The following RBFOX3 variants were observed in gnomAD, a reference collection of about 807,000 sequenced individuals.
RBFOX3 encodes the protein RNA binding protein fox-1 homolog 3.
A neutral mutation model predicts 48.7 loss-of-function variants in RBFOX3; 17 were observed. The observed-to-expected ratio is 0.35, with a 90% CI of 0.24 to 0.52. The LOEUF (loss-of-function observed/expected upper bound fraction) is 0.52, where lower values mean the gene tolerates loss of function less well. Ranked by LOEUF, RBFOX3 falls within the 20% of genes least tolerant of loss-of-function variation. RBFOX3 has a pLI of 0.94. For synonymous variants in RBFOX3, 212 were observed against 209.5 expected (o/e 1.01, Z -0.10); for missense variants, 382 against 497.5 (o/e 0.77, Z 2.21).
At chr17:79,559,569 G>A (rs1243784504) in intron 1 of RBFOX3, among the ~76,000 whole-genome samples, 1 of 150,376 alleles carries the variant, frequency 6.6e-6, no homozygotes, top group Non-Finnish European at 1.5e-5. Context: ...GTGGACAGAT[G>A]GGTGAGTGGG....
chr17:79,472,672 T>G (rs2077195585), intron 2 of RBFOX3, among the ~76,000 whole-genome samples: 1 of 152,208 alleles, frequency 6.6e-6, no homozygotes, highest in African/African-American at 2.4e-5. Context: ...GCCCCCAGGC[T>G]GAGGGGCTTC....
At chr17:79,352,130 G>C (rs1301142784) in intron 2 of RBFOX3, among the ~76,000 whole-genome samples, 1 of 152,164 alleles carries the variant, frequency 6.6e-6, no homozygotes. Flanking sequence ...AGTTGTTATG[G>C]TTTGGCTCTG....
chr17:79,134,585 C>T (rs2039727947), intron 4 of RBFOX3, among the ~76,000 whole-genome samples: 1 of 152,242 alleles, frequency 6.6e-6, no homozygotes, highest in African/African-American at 2.4e-5. Context: ...CGGACCCTGT[C>T]ATCTGCTAGA....
intron 4 of RBFOX3, among the ~76,000 whole-genome samples, chr17:79,197,378 T>G (rs2055825706): frequency 1.6e-5 from 2 of 126,696 alleles, no homozygotes; most frequent in East Asian, 2.6e-4. Context: ...TTTCTTTTCT[T>G]TCTTTCTTTC....
At chr17:79,394,070 G>A (rs1040939399) in intron 2 of RBFOX3, among the ~76,000 whole-genome samples, 13 of 150,968 alleles carry the variant, frequency 8.6e-5, no homozygotes, top group Non-Finnish European at 7.4e-5. Flanking sequence ...ATCCGAGCCC[G>A]TCATCATACA....
chr17:79,463,688 G>GCCATCA (rs375270247), intron 2 of RBFOX3, among the ~76,000 whole-genome samples: 61,442 of 122,820 alleles, frequency 0.5, 16,815 homozygotes, highest in Non-Finnish European at 0.59. Flanking sequence ...CATTGCCACT[G>GCCATCA]CCACTGCCAT....
chr17:79,464,007 C>T (rs1251839044), intron 2 of RBFOX3, among the ~76,000 whole-genome samples: 3 of 152,182 alleles, frequency 2.0e-5, no homozygotes, highest in South Asian at 4.1e-4. Flanking sequence ...TGGTAGCAGC[C>T]GTGACAGCTT....
chr17:79,496,949 G>A (rs905077704), intron 1 of RBFOX3, among the ~76,000 whole-genome samples: 18 of 152,140 alleles, frequency 1.2e-4, no homozygotes, highest in South Asian at 4.1e-4. Context: ...GACCTTTCAC[G>A]GTCCTTGCCT....
chr17:79,558,664 T>G (rs2091956478), intron 1 of RBFOX3, among the ~76,000 whole-genome samples: 1 of 152,108 alleles, frequency 6.6e-6, no homozygotes, highest in Admixed American at 6.5e-5. Flanking sequence ...ATTTGGAAAT[T>G]TACTGGAGCA....
intron 4 of RBFOX3, among the ~76,000 whole-genome samples, chr17:79,222,250 A>C (rs900291979): frequency 2.0e-5 from 3 of 151,320 alleles, no homozygotes; most frequent in Non-Finnish European, 4.4e-5. Context: ...CTCCCTGGGG[A>C]TCCAACACTT....
the RBFOX3 span, among the ~76,000 whole-genome samples, chr17:79,633,045 C>T: frequency 6.6e-6 from 1 of 152,254 alleles, no homozygotes; most frequent in Admixed American, 6.5e-5. Flanking sequence ...TTCCTAAAGT[C>T]ACTCTGCAGA....
At chr17:79,487,798 C>A (rs981262643) in intron 1 of RBFOX3, among the ~76,000 whole-genome samples, 7 of 150,538 alleles carry the variant, frequency 4.6e-5, no homozygotes, top group African/African-American at 7.3e-5. Flanking sequence ...GTAGTCCCAG[C>A]TGCTTGGAGA....
rs934170037 is a variant in RBFOX3 at position 79,479,361 on chromosome 17, C to G, written c.-175+3093G>C. 6.6e-6 allele frequency among the ~76,000 whole-genome samples: 1 copy of G among 152,132 alleles called. No homozygotes were observed. Among genetic ancestry groups the G allele is most frequent in the Non-Finnish European group, 1.5e-5 (1 of 68,016 alleles). ...ACATGGCCCTCTTCCTTCAGACACC[C>G]GCCATCCACCATCCTGAAGGTGAAT... On this transcript the variant is annotated intron_variant, in intron 2 of 14. Coordinates refer to ENST00000693108, the MANE Select transcript of RBFOX3 (RefSeq NM_001350451.2). The surrounding 1 kb of genome is among the most constrained non-coding windows in gnomAD (Gnocchi z 5.1).
intron 2 of RBFOX3, among the ~76,000 whole-genome samples, chr17:79,356,367 T>TTTTTTTTTTTTTTG (rs2085071486): frequency 1.3e-5 from 1 of 76,998 alleles, no homozygotes; most frequent in African/African-American, 4.7e-5. Context: ...TTTTTTTTTT[T>TTTTTTTTTTTTTTG]TTTTTTTTTT....
At chr17:79,577,893 G>A (rs1431703775) in intron 1 of RBFOX3, among the ~76,000 whole-genome samples, 1 of 152,232 alleles carries the variant, frequency 6.6e-6, no homozygotes, top group Admixed American at 6.5e-5. Flanking sequence ...GGTCCCCCTG[G>A]TGCGAGGGTG....
At chr17:79,476,378 T>A (rs1198805219) in intron 2 of RBFOX3, among the ~76,000 whole-genome samples, 8 of 152,212 alleles carry the variant, frequency 5.3e-5, no homozygotes, top group African/African-American at 1.2e-4. Context: ...TCTATTTTTT[T>A]AAAAAATGTC....
upstream of RBFOX3, among the ~76,000 whole-genome samples, chr17:79,613,189 C>G (rs2093981518): frequency 6.6e-6 from 1 of 152,248 alleles, no homozygotes; most frequent in African/African-American, 2.4e-5. Flanking sequence ...AGCACCAAAT[C>G]TTGTTCCAAG....
At position 79,473,314 on chromosome 17, in the gene RBFOX3, G is replaced by C. The variant is rs1369031823; in HGVS notation, c.-175+9140C>G. On this transcript the variant is annotated intron_variant, in intron 2 of 14. Transcript: ENST00000693108. The surrounding 1 kb of genome is among the most constrained non-coding windows in gnomAD (Gnocchi z 4.2). ...GCCTGTTGCTAGGGAGCTGCTGTGG[G>C]TTTGAATTCTGTATGGCCCTGGGTT... Among the ~76,000 whole-genome samples, 1 of 152,226 alleles carries C rather than the reference G, an allele frequency of 6.6e-6. No individual in the cohort carries two copies. The highest frequency in any genetic ancestry group is 2.4e-5 in the African/African-American group (1 of 41,464).
the RBFOX3 span, among the ~76,000 whole-genome samples, chr17:79,636,181 T>A: frequency 1.3e-5 from 2 of 152,230 alleles, no homozygotes; most frequent in Non-Finnish European, 2.9e-5. Context: ...GATAGAGCTA[T>A]ATGTGCTGAT....
Sources: gnomAD v4.1 joint callset for allele counts (sites outside exome capture counted in the v4.1 genomes callset) on GRCh38, gnomAD v4.1.1 for gene constraint, Gnocchi (gnomAD v3.1) non-coding constraint, MANE v1.5 for transcripts, NCBI Gene and HGNC (gene_info 2026-07-23, HGNC 2026-07-21) for gene names.